The following SORCS2 variants were observed in gnomAD, a reference collection of about 807,000 sequenced individuals.
SORCS2 encodes VPS10 domain-containing receptor SorCS2.
A neutral mutation model predicts 141.6 loss-of-function variants in SORCS2; 100 were observed. That is an observed-to-expected ratio of 0.71 (90% confidence interval 0.60 to 0.83). The LOEUF is 0.83. Ranked by LOEUF, SORCS2 falls within the 40% of genes least tolerant of loss-of-function variation. SORCS2 has a pLI of 0.00. For missense variants in SORCS2, 1,646 were observed against 1,560.2 expected, an observed-to-expected ratio of 1.05 and a Z score of -0.93; for synonymous variants, 789 against 676.9, an observed-to-expected ratio of 1.17 and a Z score of -2.57.
intron 2 of SORCS2, among the ~76,000 whole-genome samples, chr4:7,424,452 T>G (rs1412444184): frequency 6.6e-6 from 1 of 152,196 alleles, no homozygotes; most frequent in African/African-American, 2.4e-5. Flanking sequence ...GTGAACGCTG[T>G]GCCCAGCCCC....
chr4:7,661,414 A>C (rs1000083091), intron 5 of SORCS2, 86 bp from the exon 6 acceptor site: 1 of 1,429,100 alleles, frequency 7.0e-7, no homozygotes, highest in Non-Finnish European at 9.6e-7. Context: ...CAGGGAGGCC[A>C]CGTGGCTGCA....
intron 8 of SORCS2, among the ~76,000 whole-genome samples, chr4:7,674,573 CAAAATAAAAA>C (rs1722990930): frequency 3.5e-5 from 2 of 56,400 alleles, no homozygotes; most frequent in African/African-American, 1.7e-4. Flanking sequence ...GACTCTGTCT[CAAAATAAAAA>C]AAAAAAAAAA....
intron 1 of SORCS2, among the ~76,000 whole-genome samples, chr4:7,260,164 C>T (rs1714222736): frequency 6.6e-6 from 1 of 152,212 alleles, no homozygotes; most frequent in African/African-American, 2.4e-5. Flanking sequence ...TTTTCTTTTC[C>T]CTGTGGGTGT....
intron 1 of SORCS2, among the ~76,000 whole-genome samples, chr4:7,302,080 C>T (rs768557889): frequency 6.6e-6 from 1 of 152,248 alleles, no homozygotes; most frequent in African/African-American, 2.4e-5. Context: ...CCCGGCTTGC[C>T]GGTCTTAGCA....
chr4:7,377,984 T>G (rs2109061402), intron 1 of SORCS2, among the ~76,000 whole-genome samples: 1 of 152,342 alleles, frequency 6.6e-6, no homozygotes, highest in East Asian at 1.9e-4. Flanking sequence ...ATGATTTTCT[T>G]CTCTCCAAAT....
intron 5 of SORCS2, among the ~76,000 whole-genome samples, chr4:7,655,734 C>T (rs1409367619): frequency 6.6e-6 from 1 of 152,194 alleles, no homozygotes; most frequent in Non-Finnish European, 1.5e-5. Flanking sequence ...CCAGAGCTGC[C>T]CTGCCTGGGC....
At chr4:7,677,319 G>T (rs1289392313) in intron 9 of SORCS2, among the ~76,000 whole-genome samples, 1 of 152,232 alleles carries the variant, frequency 6.6e-6, no homozygotes, top group Non-Finnish European at 1.5e-5. Flanking sequence ...CCCCGGCCAG[G>T]CCGCTCACAG....
chr4:7,352,925 C>T (rs1560212789), intron 1 of SORCS2, among the ~76,000 whole-genome samples: 2 of 152,334 alleles, frequency 1.3e-5, no homozygotes, highest in East Asian at 1.9e-4. Context: ...TCCTAACACC[C>T]TGCACAAGGG....
chr4:7,495,103 C>A (rs1373248281), intron 2 of SORCS2, among the ~76,000 whole-genome samples: 3 of 152,232 alleles, frequency 2.0e-5, no homozygotes, highest in African/African-American at 7.2e-5. Flanking sequence ...AGCAACGGTG[C>A]CTGTCAGCGG....
In SORCS2 at chr4:7,192,837, T is replaced by C; in HGVS notation, c.191T>C (p.Leu64Pro). The C allele has an allele frequency of 2.9e-6, 3 of 1,040,518 alleles. No homozygotes were observed. Among genetic ancestry groups the C allele is most frequent in the South Asian group, 4.4e-5 (1 of 22,690 alleles). 64.5% of individuals were successfully genotyped at this position (1,040,518 alleles called of 1,614,324 possible). ...EPGRLGPHAQLTRVPRSPPAG... is the reference protein window; with the variant it reads ...EPGRLGPHAQPTRVPRSPPAG... ...GGGCGCCTGGGTCCTCACGCCCAAC[T>C]GACCCGGGTGCCGCGGAGCCCTCCC... Residue 64 changes from leucine to proline, a missense_variant, in exon 1 of 27, where the codon CTG (leucine) becomes CCG (proline). Leu to Pro is a moderately conservative substitution (Grantham distance 98). Coordinates refer to ENST00000507866, the MANE Select transcript of SORCS2 (RefSeq NM_020777.3). This position sits in a 1 kb window ranked among gnomAD's most constrained non-coding sequence, Gnocchi z 4.0.
At chr4:7,706,878 G>A (rs1029811999) in intron 14 of SORCS2, among the ~76,000 whole-genome samples, 1 of 152,212 alleles carries the variant, frequency 6.6e-6, no homozygotes, top group South Asian at 2.1e-4. Flanking sequence ...TGTTGGGGAG[G>A]TTGGGCAGAC....
At chr4:7,215,547 C>T (rs1355450380) in intron 1 of SORCS2, among the ~76,000 whole-genome samples, 1 of 152,274 alleles carries the variant, frequency 6.6e-6, no homozygotes, top group Non-Finnish European at 1.5e-5. Flanking sequence ...GCAGCTCCAC[C>T]TGCAGCCCCG....
rs1716265806 is a variant in SORCS2 at position 7,286,953 on chromosome 4, A to G, written c.480+93827A>G. On this transcript the variant is annotated intron_variant, in intron 1 of 26. Coordinates refer to ENST00000507866, the MANE Select transcript of SORCS2 (RefSeq NM_020777.3). This position sits in a 1 kb window ranked among gnomAD's most constrained non-coding sequence, Gnocchi z 4.1. ...AGAGGCAGAGAGAGGGACCAGGGCC[A>G]CTGGTACGAACGCTTCTTGCATCAG... 6.6e-6 allele frequency among the ~76,000 whole-genome samples: 1 copy of G among 152,208 alleles called. No individual in the cohort carries two copies. Among genetic ancestry groups the G allele is most frequent in the East Asian group, 1.9e-4 (1 of 5,198 alleles).
chr4:7,355,864 G>A (rs1158030787), intron 1 of SORCS2, among the ~76,000 whole-genome samples: 3 of 152,228 alleles, frequency 2.0e-5, no homozygotes, highest in Non-Finnish European at 2.9e-5. Flanking sequence ...AGGAATCAAG[G>A]GCCATGGGGC....
chr4:7,342,884 G>A (rs1720442417), intron 1 of SORCS2, among the ~76,000 whole-genome samples: 2 of 152,208 alleles, frequency 1.3e-5, no homozygotes, highest in South Asian at 2.1e-4. Flanking sequence ...AAGGTGGAAG[G>A]AAGCAGTCAT....
intron 2 of SORCS2, among the ~76,000 whole-genome samples, chr4:7,415,125 T>G (rs1050915677): frequency 3.9e-5 from 6 of 152,194 alleles, no homozygotes; most frequent in African/African-American, 9.6e-5. Context: ...GCCGGGGTTT[T>G]GGGGCACGCC....
intron 2 of SORCS2, among the ~76,000 whole-genome samples, chr4:7,468,252 A>G (rs1729740625): frequency 6.6e-6 from 1 of 152,216 alleles, no homozygotes; most frequent in African/African-American, 2.4e-5. Context: ...CCTTCCAGGT[A>G]TGGAGCTACC....
intron 2 of SORCS2, among the ~76,000 whole-genome samples, chr4:7,518,813 C>CG (rs1354219319): frequency 6.6e-6 from 1 of 152,206 alleles, no homozygotes; most frequent in African/African-American, 2.4e-5. Context: ...CCTGCCCCCC[C>CG]GGCCCCCCAT....
chr4:7,647,809 C>A (rs1354467005), intron 4 of SORCS2, among the ~76,000 whole-genome samples: 1 of 152,238 alleles, frequency 6.6e-6, no homozygotes, highest in Non-Finnish European at 1.5e-5. Context: ...TCGGCTGGTT[C>A]TTCTGATCTG....
Sources: allele counts gnomAD v4.1 joint callset (sites outside exome capture counted in the v4.1 genomes callset), GRCh38; gene constraint gnomAD v4.1.1; non-coding constraint Gnocchi (gnomAD v3.1); transcripts MANE v1.5; gene names NCBI Gene and HGNC (gene_info 2026-07-23, HGNC 2026-07-21).